STK32A: variants seen among roughly 807,000 people sequenced by gnomAD.
STK32A encodes the protein serine/threonine kinase 32A.
Under a neutral mutation model 53.2 loss-of-function variants are expected in STK32A, and 41 were observed. The ratio of observed to expected loss-of-function variants is 0.77; its 90% CI spans 0.60 to 1.00. The LOEUF is 1.00. Among genes scored for constraint, STK32A ranks in the 50% least tolerant of loss-of-function variants. STK32A has a pLI of 0.00. For synonymous variants in STK32A, 166 were observed against 162.8 expected, an observed-to-expected ratio of 1.02 and a Z score of -0.15; for missense variants, 458 against 485.8, an observed-to-expected ratio of 0.94 and a Z score of 0.54.
At chr5:147,250,626 T>C (rs1753945325) in intron 2 of STK32A, among the ~76,000 whole-genome samples, 1 of 151,394 alleles carries the variant, frequency 6.6e-6, no homozygotes, top group South Asian at 2.1e-4. Context: ...CTAGAATGAG[T>C]TAGGAGTAGA....
intron 4 of STK32A, among the ~76,000 whole-genome samples, chr5:147,300,669 TATA>T (rs1320003800): frequency 6.6e-6 from 1 of 152,234 alleles, no homozygotes; most frequent in East Asian, 1.9e-4. Context: ...CATACCCTCA[TATA>T]ATCATATGCA....
rs565259351 is a variant in STK32A at position 147,265,306 on chromosome 5, C to A, written c.53-12818C>A. On this transcript the variant is annotated intron_variant, in intron 2 of 12. Coordinates refer to ENST00000397936, the MANE Select transcript of STK32A (RefSeq NM_001112724.2). ...TTTATCTTTCATCAAAGCATTCAATCTTCGTTAAAATCCGAGAGGCAAAAT... is the reference window on the plus strand; with the variant it reads ...TTTATCTTTCATCAAAGCATTCAATATTCGTTAAAATCCGAGAGGCAAAAT... Among the ~76,000 whole-genome samples, 3 of 152,106 alleles carry A rather than the reference C, an allele frequency of 2.0e-5. No homozygotes were observed. The South Asian group carries it at 6.2e-4, about 32-fold the overall frequency.
At chr5:147,279,497 T>C in intron 4 of STK32A, 99 bp downstream of exon 4, 2 of 1,067,974 alleles carry the variant, frequency 1.9e-6, no homozygotes, top group East Asian at 2.6e-5. Flanking sequence ...CTGGCTGGTA[T>C]CCAGGCTCTT....
chr5:147,383,777 C>T (rs1272799064), intron 12 of STK32A, 113 bp from the exon 13 acceptor site: 1 of 1,068,504 alleles, frequency 9.4e-7, no homozygotes, highest in Non-Finnish European at 1.3e-6. Context: ...TAAAAGATTT[C>T]CTTGGCTCAT....
At chr5:147,262,660 C>A in intron 2 of STK32A, among the ~76,000 whole-genome samples, 1 of 151,912 alleles carries the variant, frequency 6.6e-6, no homozygotes, top group East Asian at 1.9e-4. Context: ...CTTCTACATC[C>A]ATTCCTTTCT....
chr5:147,394,586 C>A, the STK32A span, among the ~76,000 whole-genome samples: 1 of 151,086 alleles, frequency 6.6e-6, no homozygotes, highest in African/African-American at 2.4e-5. Flanking sequence ...GTCTTTGTGA[C>A]AACAGCACAA....
In STK32A at chr5:147,259,899, C is replaced by CCT. The variant is rs796787576; in HGVS notation, c.53-18213_53-18212dup. 1.8e-3 allele frequency among the ~76,000 whole-genome samples: 216 copies of CCT among 122,334 alleles called. 1 individual carries two copies. The highest frequency in any genetic ancestry group is 8.9e-3 in the African/African-American group (209 of 23,476). 80.3% of individuals were successfully genotyped at this position (122,334 alleles called of 152,430 possible). ...CTCTCCTGTCTCTCTCTTTCTCTCT[C>CCT]CTCTCTCTCTCTCCCCTCTTGTCTC... On this transcript the variant is annotated intron_variant, in intron 2 of 12. Coordinates refer to ENST00000397936, the MANE Select transcript of STK32A (RefSeq NM_001112724.2).
intron 4 of STK32A, among the ~76,000 whole-genome samples, chr5:147,311,938 A>G (rs1432680595): frequency 6.6e-6 from 1 of 152,062 alleles, no homozygotes. Context: ...GGTGCTATGG[A>G]AGGGCAGAGG....
At chr5:147,277,127 G>C (rs1257984092) in intron 2 of STK32A, among the ~76,000 whole-genome samples, 1 of 152,098 alleles carries the variant, frequency 6.6e-6, no homozygotes, top group African/African-American at 2.4e-5. Flanking sequence ...AGATAATAGA[G>C]AAAAACTAGT....
chr5:147,375,051 A>T, intron 10 of STK32A, 39 bp from the exon 11 acceptor site: 1 of 1,563,412 alleles, frequency 6.4e-7, no homozygotes, highest in Admixed American at 2.0e-5. Flanking sequence ...TCAGAATGAT[A>T]CAGTAATCTG....
chr5:147,263,454 A>G (rs1754672400), intron 2 of STK32A, among the ~76,000 whole-genome samples: 1 of 152,196 alleles, frequency 6.6e-6, no homozygotes, highest in Non-Finnish European at 1.5e-5. Flanking sequence ...AGAGACTAAA[A>G]CAAATGAACA....
At chr5:147,326,679 G>A (rs10074141) in intron 5 of STK32A, among the ~76,000 whole-genome samples, 6,784 of 152,216 alleles carry the variant, frequency 0.045, 495 homozygotes, top group African/African-American at 0.15. Context: ...TTCAAATATA[G>A]GACATTAAAT....
chr5:147,262,860 G>GA (rs1439094710), intron 2 of STK32A, among the ~76,000 whole-genome samples: 5 of 152,186 alleles, frequency 3.3e-5, no homozygotes. Context: ...CCATGCCGTA[G>GA]AACCCTCCAA....
intron 4 of STK32A, among the ~76,000 whole-genome samples, chr5:147,280,828 A>G (rs767900339): frequency 1.3e-5 from 2 of 152,186 alleles, no homozygotes; most frequent in African/African-American, 2.4e-5. Flanking sequence ...TGGCAGGAGG[A>G]CAACAGCACA....
chr5:147,378,230 G>GGTTA (rs1175403236), intron 11 of STK32A, among the ~76,000 whole-genome samples: 2 of 152,114 alleles, frequency 1.3e-5, no homozygotes, highest in African/African-American at 4.8e-5. Context: ...CTGAGTGAAG[G>GGTTA]GTTAGGATAG....
intron 10 of STK32A, among the ~76,000 whole-genome samples, chr5:147,374,706 G>A (rs970811599): frequency 2.6e-5 from 4 of 152,114 alleles, no homozygotes; most frequent in African/African-American, 9.7e-5. Context: ...CAAGTTCTTG[G>A]ACCTCACATT....
chr5:147,324,603 A>G (rs1754488552), intron 5 of STK32A, among the ~76,000 whole-genome samples: 3 of 152,206 alleles, frequency 2.0e-5, no homozygotes. Flanking sequence ...ATAAGAAACC[A>G]TAAAGCTATA....
chr5:147,255,739 T>C (rs1754205032), intron 2 of STK32A, among the ~76,000 whole-genome samples: 1 of 152,260 alleles, frequency 6.6e-6, no homozygotes, highest in Non-Finnish European at 1.5e-5. Flanking sequence ...ATTGCTCAGC[T>C]ATTCCATTAA....
At chr5:147,343,210 A>T (rs530186059) in intron 6 of STK32A, 167 bp downstream of exon 6, 1 of 789,486 alleles carries the variant, frequency 1.3e-6, no homozygotes, top group Non-Finnish European at 2.3e-6. Context: ...TACTTATGGC[A>T]GGTTATAGTA....
Sources: allele counts gnomAD v4.1 joint callset (sites outside exome capture counted in the v4.1 genomes callset), GRCh38; gene constraint gnomAD v4.1.1; transcripts MANE v1.5; gene names NCBI Gene and HGNC (gene_info 2026-07-23, HGNC 2026-07-21).